Variants in ADGRL3 observed in about 807,000 individuals in gnomAD.
ADGRL3 encodes calcium-independent alpha-latrotoxin receptor 3.
ADGRL3 carries 62 observed loss-of-function variants against 153.5 expected under a neutral mutation model. The ratio of observed to expected loss-of-function variants is 0.40; its 90% confidence interval spans 0.33 to 0.50. ADGRL3 has a LOEUF of 0.50. Ranked by LOEUF, ADGRL3 falls within the 20% of genes least tolerant of loss-of-function variation. The pLI is 0.47. For missense variants in ADGRL3, 1,641 were observed against 1,859.4 expected (o/e 0.88, Z 2.16); for synonymous variants, 710 against 672.5 (o/e 1.06, Z -0.86).
At chr4:61,946,299 C>A (rs931246007) in intron 15 of ADGRL3, among the ~76,000 whole-genome samples, 1 of 152,002 alleles carries the variant, frequency 6.6e-6, no homozygotes, top group African/African-American at 2.4e-5. Flanking sequence ...TCTTATTTTT[C>A]ATTCTCTAAT....
intron 1 of ADGRL3, among the ~76,000 whole-genome samples, chr4:61,263,763 G>C (rs2092688270): frequency 6.6e-6 from 1 of 151,982 alleles, no homozygotes; most frequent in African/African-American, 2.4e-5. Context: ...GGACCAGGGA[G>C]ATATAAGTAT....
chr4:61,213,697 TA>T (rs1371884362), intron 1 of ADGRL3, among the ~76,000 whole-genome samples: 1 of 152,166 alleles, frequency 6.6e-6, no homozygotes, highest in Non-Finnish European at 1.5e-5. Flanking sequence ...TCAATGCCAT[TA>T]TTTTTTTGAA....
intron 3 of ADGRL3, among the ~76,000 whole-genome samples, chr4:61,497,814 G>A (rs1291429719): frequency 1.3e-5 from 2 of 151,638 alleles, no homozygotes; most frequent in East Asian, 1.9e-4. Context: ...GTGAGCCACC[G>A]CGCCCAGCCC....
intron 21 of ADGRL3, among the ~76,000 whole-genome samples, chr4:62,021,638 AGCAT>A (rs2099238726): frequency 6.6e-6 from 1 of 152,150 alleles, no homozygotes; most frequent in Non-Finnish European, 1.5e-5. Flanking sequence ...TTTTTCCAAC[AGCAT>A]GTGCTTACTT....
chr4:61,375,559 C>T (rs1316121716), intron 1 of ADGRL3, among the ~76,000 whole-genome samples: 3 of 151,952 alleles, frequency 2.0e-5, no homozygotes, highest in African/African-American at 7.3e-5. Flanking sequence ...GTATGTTTAA[C>T]CAGTGTGAAA....
intron 9 of ADGRL3, among the ~76,000 whole-genome samples, chr4:61,851,711 A>G (rs2098205948): frequency 6.6e-6 from 1 of 152,110 alleles, no homozygotes; most frequent in Non-Finnish European, 1.5e-5. Context: ...TATCCCTCTA[A>G]AATGGTGTTT....
At chr4:61,794,855 A>G (rs1389791997) in intron 8 of ADGRL3, among the ~76,000 whole-genome samples, 1 of 152,234 alleles carries the variant, frequency 6.6e-6, no homozygotes, top group Non-Finnish European at 1.5e-5. Context: ...AACTAATGAC[A>G]ATTTTGAGCA....
chr4:61,714,227 A>ACACACACACACGCACACG (rs1313872951), intron 6 of ADGRL3, among the ~76,000 whole-genome samples: 13 of 152,154 alleles, frequency 8.5e-5, no homozygotes, highest in African/African-American at 3.1e-4. Flanking sequence ...ATACGCACAC[A>ACACACACACACGCACACG]CACACACAAT....
intron 2 of ADGRL3, among the ~76,000 whole-genome samples, chr4:61,397,035 T>A (rs1270350675): frequency 2.0e-5 from 3 of 148,446 alleles, no homozygotes; most frequent in Non-Finnish European, 4.5e-5. Context: ...TTTTCTAATA[T>A]GATAAGTATA....
intron 19 of ADGRL3, among the ~76,000 whole-genome samples, chr4:61,987,881 ATTTG>A (rs1385346710): frequency 9.9e-5 from 15 of 151,944 alleles, no homozygotes; most frequent in African/African-American, 3.4e-4. Context: ...CTATTAATGT[ATTTG>A]TTTATTATAC....
intron 4 of ADGRL3, among the ~76,000 whole-genome samples, chr4:61,547,596 C>CT (rs35913331): frequency 0.38 from 56,968 of 151,750 alleles, 11,274 homozygotes; most frequent in East Asian, 0.76. Context: ...TGGTCTCATT[C>CT]TTTTTATGGC....
chr4:61,231,684 G>T (rs1021538485), intron 1 of ADGRL3, among the ~76,000 whole-genome samples: 2 of 151,984 alleles, frequency 1.3e-5, no homozygotes, highest in Admixed American at 1.3e-4. Flanking sequence ...TTTTGTAACG[G>T]TCTATTTACT....
At position 61,587,273 on chromosome 4, in the gene ADGRL3, A is replaced by G. The variant is rs751974892; in HGVS notation, c.306A>G (p.Leu102=). The G allele has an allele frequency of 6.8e-6, 11 of 1,610,390 alleles. No individual in the cohort carries two copies. The highest frequency in any genetic ancestry group is 9.3e-6 in the Non-Finnish European group (11 of 1,178,224). Residue 102 remains leucine (L), a synonymous_variant, in exon 5 of 27, where the codon CTA becomes CTG. Coordinates refer to ENST00000683033, the MANE Select transcript of ADGRL3 (RefSeq NM_001387552.1). Reference sequence around the variant, plus strand: ...CAATGGCTGTGGTCCGCAGAGAGCTATCCTGTGAGAGCTATCCTATAGAGC... The same window carrying G: ...CAATGGCTGTGGTCCGCAGAGAGCTGTCCTGTGAGAGCTATCCTATAGAGC... ...PIPMAVVRRE[L]SCESYPIELR...
chr4:62,065,477 G>C (rs1011516547), intron 25 of ADGRL3, among the ~76,000 whole-genome samples: 4 of 152,002 alleles, frequency 2.6e-5, no homozygotes, highest in African/African-American at 7.2e-5. Context: ...CTTAGGACAA[G>C]TGACAGGTAA....
At chr4:61,683,962 C>A (rs1014933261) in intron 6 of ADGRL3, among the ~76,000 whole-genome samples, 4 of 152,120 alleles carry the variant, frequency 2.6e-5, no homozygotes, top group Admixed American at 2.0e-4. Context: ...ATAGACTTTC[C>A]TGAGAGAAGA....
intron 5 of ADGRL3, among the ~76,000 whole-genome samples, chr4:61,664,338 T>C (rs2094708808): frequency 6.6e-6 from 1 of 152,194 alleles, no homozygotes; most frequent in African/African-American, 2.4e-5. Context: ...ATCATCCTCT[T>C]TAAATTTTAA....
intron 23 of ADGRL3, among the ~76,000 whole-genome samples, chr4:62,035,568 C>T (rs764244774): frequency 6.6e-6 from 1 of 152,058 alleles, no homozygotes; most frequent in Non-Finnish European, 1.5e-5. Context: ...AATTACTAAA[C>T]TATCATTGAT....
At chr4:61,454,009 T>G (rs2097705912) in intron 2 of ADGRL3, among the ~76,000 whole-genome samples, 1 of 152,168 alleles carries the variant, frequency 6.6e-6, no homozygotes. Flanking sequence ...AGTTGTTCAT[T>G]GTAATTGAAT....
chr4:61,451,332 T>C (rs2097670994), intron 2 of ADGRL3, among the ~76,000 whole-genome samples: 1 of 152,000 alleles, frequency 6.6e-6, no homozygotes, highest in African/African-American at 2.4e-5. Context: ...GTGTAACATA[T>C]ATAACATTTT....
Sources: gnomAD v4.1 joint callset for allele counts (sites outside exome capture counted in the v4.1 genomes callset) on GRCh38, gnomAD v4.1.1 for gene constraint, MANE v1.5 for transcripts, NCBI Gene and HGNC (gene_info 2026-07-23, HGNC 2026-07-21) for gene names.